The following RTN4 variants were observed in gnomAD, a reference collection of about 807,000 sequenced individuals.
RTN4 encodes reticulon-4.
Under a neutral mutation model 90.4 loss-of-function variants are expected in RTN4, and 32 were observed. The observed-to-expected ratio is 0.35, with a 90% CI of 0.27 to 0.48. RTN4 has a LOEUF of 0.48. Among genes scored for constraint, RTN4 ranks in the 20% least tolerant of loss-of-function variants. The probability of loss-of-function intolerance (pLI) is 0.99; values close to 1 mark genes in which losing one functional copy is unlikely to be tolerated. For synonymous variants in RTN4, 629 were observed against 552.5 expected (o/e 1.14, Z -1.94); for missense variants, 1,706 against 1,430.2 (o/e 1.19, Z -3.11).
At chr2:55,063,762 T>G (rs973076499) in intron 2 of RTN4, among the ~76,000 whole-genome samples, 86 of 151,766 alleles carry the variant, frequency 5.7e-4, no homozygotes, top group African/African-American at 2.1e-3. Context: ...GCGCCTGTAG[T>G]CCCACCTACT....
intron 2 of RTN4, among the ~76,000 whole-genome samples, chr2:55,074,517 C>CAAA (rs778275041): frequency 1.3e-4 from 8 of 59,608 alleles, no homozygotes; most frequent in African/African-American, 2.3e-4. Context: ...CTGCCCTCAC[C>CAAA]AAAAAAAAAA....
rs547669755 is a variant in RTN4 at position 54,981,957 on chromosome 2, A to G, written c.3360+558T>C. 2.0e-5 allele frequency among the ~76,000 whole-genome samples: 3 copies of G among 151,842 alleles called. No homozygotes were observed. The South Asian group carries it at 6.2e-4, about 32-fold the overall frequency. ...TTTCCGAAAGTATTACTATATATAT[A>G]TATAATTTTTTTTTGAGACAGAGTT... On this transcript the variant is annotated intron_variant, in intron 5 of 8. Coordinates refer to ENST00000337526, the MANE Select transcript of RTN4 (RefSeq NM_020532.5).
At chr2:55,068,938 A>G (rs995493441) in intron 2 of RTN4, among the ~76,000 whole-genome samples, 2 of 152,254 alleles carry the variant, frequency 1.3e-5, no homozygotes, top group African/African-American at 4.8e-5. Context: ...ACACAAAGAC[A>G]ATTAGTGTAC....
chr2:54,974,914 T>C, intron 5 of RTN4, 150 bp from the exon 6 acceptor site: 1 of 619,962 alleles, frequency 1.6e-6, no homozygotes, highest in East Asian at 2.8e-5. Flanking sequence ...CACTATTAAG[T>C]CACGAGTCTC....
intron 2 of RTN4, among the ~76,000 whole-genome samples, chr2:55,065,680 C>T (rs556220130): frequency 4.6e-5 from 7 of 152,174 alleles, no homozygotes; most frequent in East Asian, 1.9e-4. Flanking sequence ...TACACACACA[C>T]GCAAAGGATG....
At position 55,027,970 on chromosome 2, in the gene RTN4, G is replaced by A. The variant is rs369454222; in HGVS notation, c.613+194C>T. 1.8e-4 allele frequency among the ~76,000 whole-genome samples: 28 copies of A among 152,262 alleles called. No individual in the cohort carries two copies. The East Asian group carries it at 5.0e-3, about 27-fold the overall frequency. Reference sequence around the variant, plus strand: ...CCAAGAATTCCTTATGTACTTCCAAGTATTCATCAGATTTTGCTCATTTTT... The same window carrying A: ...CCAAGAATTCCTTATGTACTTCCAAATATTCATCAGATTTTGCTCATTTTT... On this transcript the variant is annotated intron_variant, in intron 2 of 8. Coordinates refer to ENST00000337526, the MANE Select transcript of RTN4 (RefSeq NM_020532.5).
Position 54,982,590 on chromosome 2 carries a change from A to G in RTN4, c.3285T>C (p.Ala1095=). The G allele has an allele frequency of 6.2e-7, 1 of 1,613,764 alleles. No individual in the cohort carries two copies. Among genetic ancestry groups the G allele is most frequent in the Non-Finnish European group, 8.5e-7 (1 of 1,179,796 alleles). The change falls in exon 5 of 9, where the codon GCT becomes GCC. Residue 1095 remains alanine (A), a synonymous_variant. Transcript: ENST00000337526. ...TTATCGTGCAGTTCACATGACCAAG[A>G]GCAGAATTACTGTACTTCTGAACCA... ...EELVQKYSNS[A]LGHVNCTIKE...
At chr2:55,066,267 C>G (rs768016952) in intron 2 of RTN4, among the ~76,000 whole-genome samples, 4 of 150,978 alleles carry the variant, frequency 2.6e-5, no homozygotes, top group Non-Finnish European at 5.9e-5. Context: ...ATGGGCAGTT[C>G]CTGGAAGGAC....
At position 55,075,383 on chromosome 2, in the gene RTN4, AG is replaced by A. The variant is rs369235489; in HGVS notation, c.-63+5105del. Reference sequence around the variant, plus strand: ...TAGGAATATGCTTAACCTAAGTGAAAGGAGGTGAAAGGCCATTACGAGGAAA... The same window carrying A: ...TAGGAATATGCTTAACCTAAGTGAAAGAGGTGAAAGGCCATTACGAGGAAA... On this transcript the variant is annotated intron_variant, in intron 2 of 3. Coordinates refer to the RTN4 transcript ENST00000427710. Among the ~76,000 whole-genome samples the A allele has an allele frequency of 3.6e-4, 55 of 152,364 alleles. No homozygotes were observed. In the East Asian group the frequency reaches 0.01, roughly 29 times the overall value.
chr2:55,088,993 C>T (rs536294925), intron 1 of RTN4, among the ~76,000 whole-genome samples: 2 of 152,140 alleles, frequency 1.3e-5, no homozygotes, highest in African/African-American at 4.8e-5. Context: ...AGTGCAGTGG[C>T]GCGATCTCAG....
In RTN4 at chr2:55,027,227, T is replaced by G; in HGVS notation, c.872A>C (p.Glu291Ala). The change falls in exon 3 of 9, where the codon GAG becomes GCG. Residue 291 changes from glutamate (E) to alanine (A), a missense_variant. By Grantham distance (107) the Glu-to-Ala change is moderately radical. Transcript: ENST00000337526. The stretch of plus-strand genomic sequence containing the variant: ...TTCTGAGTATTCTAATTCTGAAAAC[T>G]CTGTTAAATCTCTATCTATGAGTAG... ...KTLLIDRDLT[E>A]FSELEYSEMG... 6.2e-7 allele frequency: 1 copy of G among 1,613,786 alleles called. No individual in the cohort carries two copies. The highest frequency in any genetic ancestry group is 1.1e-5 in the South Asian group (1 of 91,078).
intron 1 of RTN4, among the ~76,000 whole-genome samples, chr2:55,047,464 T>A (rs1298944993): frequency 6.6e-6 from 1 of 152,088 alleles, no homozygotes; most frequent in Non-Finnish European, 1.5e-5. Flanking sequence ...ACCTTTAATA[T>A]GGCAATTAGT....
At chr2:54,974,671 A>G in intron 6 of RTN4, 24 bp downstream of exon 6, 2 of 1,569,478 alleles carry the variant, frequency 1.3e-6, no homozygotes, top group African/African-American at 1.4e-5. Flanking sequence ...GCAATTTTTC[A>G]TCCCAATGGC....
intron 2 of RTN4, among the ~76,000 whole-genome samples, chr2:55,066,169 TTG>T (rs71410416): frequency 1.3e-4 from 19 of 142,354 alleles, no homozygotes; most frequent in South Asian, 9.2e-4. Context: ...ATGAACCCAT[TTG>T]TGTGTGTGTG....
chr2:55,093,984 C>G (rs111829504), intron 1 of RTN4, among the ~76,000 whole-genome samples: 2 of 152,114 alleles, frequency 1.3e-5, no homozygotes, highest in Middle Eastern at 3.2e-3. Context: ...AATTTTCTTA[C>G]GATCACTAAT....
upstream of RTN4, among the ~76,000 whole-genome samples, chr2:55,051,452 C>T (rs1573482806): frequency 6.6e-6 from 1 of 152,340 alleles, no homozygotes; most frequent in East Asian, 1.9e-4. Flanking sequence ...CAGGAATAAG[C>T]ATGATCCCCA....
intron 3 of RTN4, among the ~76,000 whole-genome samples, chr2:55,002,463 T>G (rs1303754670): frequency 2.0e-5 from 3 of 152,218 alleles, no homozygotes; most frequent in Non-Finnish European, 4.4e-5. Context: ...ATAACACGAA[T>G]TTCTCTAAGA....
intron 1 of RTN4, among the ~76,000 whole-genome samples, chr2:55,041,612 CA>C (rs1446834581): frequency 6.6e-6 from 1 of 151,756 alleles, no homozygotes; most frequent in African/African-American, 2.4e-5. Context: ...AAGGATAATT[CA>C]AAATAAAAGG....
intron 3 of RTN4, among the ~76,000 whole-genome samples, chr2:55,015,690 C>T (rs1402646399): frequency 6.6e-6 from 1 of 152,124 alleles, no homozygotes; most frequent in Admixed American, 6.6e-5. Context: ...TAAAAAATAC[C>T]TAGTACAGAA....
Sources: gnomAD v4.1 joint callset for allele counts (sites outside exome capture counted in the v4.1 genomes callset) on GRCh38, gnomAD v4.1.1 for gene constraint, MANE v1.5 for transcripts, NCBI Gene and HGNC (gene_info 2026-07-23, HGNC 2026-07-21) for gene names.